DHX57: variants seen among roughly 807,000 people sequenced by gnomAD.
DHX57 encodes the protein DExH-box helicase 57.
Under a neutral mutation model 156.2 loss-of-function variants are expected in DHX57, and 105 were observed. The observed-to-expected ratio is 0.67, with a 90% CI of 0.57 to 0.79. The LOEUF (loss-of-function observed/expected upper bound fraction) is 0.79, where lower values mean the gene tolerates loss of function less well. Ranked by LOEUF, DHX57 falls within the 30% of genes least tolerant of loss-of-function variation. The pLI is 0.00. For synonymous variants in DHX57, 704 were observed against 595.6 expected (o/e 1.18, Z -2.65); for missense variants, 1,847 against 1,661.9 (o/e 1.11, Z -1.94).
intron 22 of DHX57, among the ~76,000 whole-genome samples, chr2:38,804,907 T>C (rs961141559): frequency 2.0e-5 from 3 of 152,188 alleles, no homozygotes; most frequent in Non-Finnish European, 2.9e-5. Flanking sequence ...TCCTGCTCTA[T>C]TTTGCTTTAT....
At chr2:38,867,717 C>A (rs1665150872) in intron 2 of DHX57, among the ~76,000 whole-genome samples, 1 of 152,098 alleles carries the variant, frequency 6.6e-6, no homozygotes. Flanking sequence ...TGCCACCATG[C>A]CTGGCTAATT....
At chr2:38,845,770 C>G (rs1672245312) in intron 11 of DHX57, among the ~76,000 whole-genome samples, 1 of 152,052 alleles carries the variant, frequency 6.6e-6, no homozygotes, top group East Asian at 1.9e-4. Context: ...CATTTTCTAC[C>G]TAGCACTTAC....
chr2:38,828,242 C>G (rs1671204405), intron 14 of DHX57, 98 bp downstream of exon 14: 4 of 809,088 alleles, frequency 4.9e-6, no homozygotes. Context: ...CAAATGTATG[C>G]TCGAAGACTG....
At chr2:38,811,457 C>A in intron 21 of DHX57, 1 of 638,726 alleles carries the variant, frequency 1.6e-6, no homozygotes. Context: ...CCACGAACTC[C>A]TTGCTGACGT....
At chr2:38,870,201 AG>A (rs371025925) in intron 1 of DHX57, among the ~76,000 whole-genome samples, 5 of 152,276 alleles carry the variant, frequency 3.3e-5, no homozygotes, top group African/African-American at 9.6e-5. Context: ...AAGTGAACAG[AG>A]CCTTGGAAAA....
intron 13 of DHX57, among the ~76,000 whole-genome samples, chr2:38,830,027 C>T (rs902656060): frequency 2.0e-5 from 3 of 152,094 alleles, no homozygotes; most frequent in Non-Finnish European, 4.4e-5. Flanking sequence ...GTGCTTTATT[C>T]AGGGAGAAAA....
At chr2:38,871,350 G>C (rs765093377) in intron 1 of DHX57, among the ~76,000 whole-genome samples, 5 of 152,108 alleles carry the variant, frequency 3.3e-5, no homozygotes, top group African/African-American at 4.8e-5. Flanking sequence ...ATTGTGCTGT[G>C]CTGAGAAAAT....
In DHX57 at chr2:38,820,790, G is replaced by A. The variant is rs72911276; in HGVS notation, c.3292-1646C>T. ...AACTGAATACATCCATTTATTCTCC[G>A]AACTATATAAAATAAGCCATGATAA... On this transcript the variant is annotated intron_variant, in intron 17 of 23. Transcript: ENST00000457308. Among the ~76,000 whole-genome samples the A allele has an allele frequency of 4.1e-3, 611 of 147,510 alleles. 1 individual carries two copies. Among genetic ancestry groups the A allele is most frequent in the African/African-American group, 0.014 (567 of 39,880 alleles).
chr2:38,857,317 G>A (rs186421629), intron 6 of DHX57, among the ~76,000 whole-genome samples: 2 of 152,210 alleles, frequency 1.3e-5, no homozygotes, highest in Admixed American at 1.3e-4. Flanking sequence ...TTATTTTTGG[G>A]CAGTCACTAC....
intron 21 of DHX57, among the ~76,000 whole-genome samples, chr2:38,807,350 G>A (rs910361807): frequency 2.6e-5 from 4 of 151,444 alleles, no homozygotes; most frequent in African/African-American, 4.9e-5. Flanking sequence ...CACTACAACC[G>A]GACCAGTAAA....
chr2:38,839,322 A>G (rs1289537552), intron 12 of DHX57, among the ~76,000 whole-genome samples: 1 of 152,142 alleles, frequency 6.6e-6, no homozygotes, highest in Non-Finnish European at 1.5e-5. Flanking sequence ...CTAATGACCT[A>G]TCGCCCTAAC....
rs1553329629 is a variant in DHX57 at position 38,836,794 on chromosome 2, A to AAAAG, written c.2542+1033_2542+1036dup. Among the ~76,000 whole-genome samples, 278 of 143,346 alleles carry AAAAG rather than the reference A, an allele frequency of 1.9e-3. 11 individuals are homozygous for AAAAG. Among genetic ancestry groups the AAAAG allele is most frequent in the Non-Finnish European group, 2.6e-3 (172 of 65,760 alleles). 94.0% of individuals were successfully genotyped at this position (143,346 alleles called of 152,430 possible). A position where few individuals can be genotyped will look rare whatever the true frequency, so the allele number is the denominator to read the frequency against. ...CTGTCTCAAAAAAAAAAAAAAAAAA[A>AAAAG]AAAGAAACAAAAGAGAATACAGTAT... On this transcript the variant is annotated intron_variant, in intron 13 of 23. Coordinates refer to ENST00000457308, the MANE Select transcript of DHX57 (RefSeq NM_198963.3).
chr2:38,833,413 G>T (rs886492108), intron 13 of DHX57, among the ~76,000 whole-genome samples: 2 of 152,132 alleles, frequency 1.3e-5, no homozygotes, highest in South Asian at 2.1e-4. Context: ...AAAGTGCTGG[G>T]ACTACAGGTG....
chr2:38,818,472 G>A (rs1670654189), intron 19 of DHX57, among the ~76,000 whole-genome samples: 2 of 152,092 alleles, frequency 1.3e-5, no homozygotes, highest in African/African-American at 2.4e-5. Flanking sequence ...GGATGCAAGT[G>A]AGCCGAGATC....
intron 6 of DHX57, 134 bp from the exon 7 acceptor site, chr2:38,856,595 C>A: frequency 8.4e-7 from 1 of 1,183,564 alleles, no homozygotes; most frequent in African/African-American, 1.6e-5. Flanking sequence ...TCTGCACTTC[C>A]CAGGCTCTAG....
Position 38,875,809 on chromosome 2 carries a change from G to A in DHX57, c.-29C>T, listed in dbSNP as rs770860990. 2.3e-5 allele frequency: 9 copies of A among 384,498 alleles called. No homozygotes were observed. The highest frequency in any genetic ancestry group is 1.0e-4 in the African/African-American group (5 of 48,374). The allele number at this position is 384,498 out of a possible 1,614,324, so 23.8% of individuals were successfully genotyped here. ...TACCTGGCTCGCAGAGTTGGGTCCC[G>A]AGCCGGCTGTCGGGAGGTGCTGCCC... On this transcript the variant is annotated 5_prime_UTR_variant, in exon 1 of 24. Transcript: ENST00000457308.
chr2:38,817,466 C>T (rs1365924182), intron 19 of DHX57, among the ~76,000 whole-genome samples: 2 of 151,998 alleles, frequency 1.3e-5, no homozygotes, highest in Admixed American at 6.6e-5. Flanking sequence ...AGGTATGAGC[C>T]ACCATGCCCA....
intron 1 of DHX57, among the ~76,000 whole-genome samples, chr2:38,869,910 T>C (rs1665274863): frequency 6.6e-6 from 1 of 152,152 alleles, no homozygotes; most frequent in Non-Finnish European, 1.5e-5. Context: ...TCATTATAAG[T>C]ATGTTCACAG....
intron 6 of DHX57, 67 bp downstream of exon 6, chr2:38,858,594 C>G (rs899415276): frequency 1.3e-6 from 2 of 1,517,068 alleles, no homozygotes; most frequent in Non-Finnish European, 1.8e-6. Flanking sequence ...CCAAAGCTCC[C>G]TAATTCCTAA....
Sources: allele counts gnomAD v4.1 joint callset (sites outside exome capture counted in the v4.1 genomes callset), GRCh38; gene constraint gnomAD v4.1.1; transcripts MANE v1.5; gene names NCBI Gene and HGNC (gene_info 2026-07-23, HGNC 2026-07-21).